APBB1IP: variants seen among roughly 807,000 people sequenced by gnomAD.
APBB1IP encodes the protein amyloid beta A4 precursor protein-binding family B member 1-interacting protein.
In APBB1IP, 27 loss-of-function variants were observed where a neutral mutation model predicts 64.9. The ratio of observed to expected loss-of-function variants is 0.42; its 90% CI spans 0.31 to 0.57. The LOEUF (loss-of-function observed/expected upper bound fraction) is 0.57. Ranked by LOEUF, APBB1IP falls within the 20% of genes least tolerant of loss-of-function variation. The pLI is 0.20. For synonymous variants in APBB1IP, 392 were observed against 331.0 expected (o/e 1.18, Z -2.00); for missense variants, 812 against 845.5 (o/e 0.96, Z 0.49).
At chr10:26,455,341 A>G (rs1835511608) in intron 2 of APBB1IP, among the ~76,000 whole-genome samples, 1 of 152,134 alleles carries the variant, frequency 6.6e-6, no homozygotes, top group African/African-American at 2.4e-5. Context: ...CAGCCTGGCC[A>G]ACATGGTGAA....
chr10:26,458,968 T>G (rs924781791), intron 2 of APBB1IP, among the ~76,000 whole-genome samples: 5 of 152,128 alleles, frequency 3.3e-5, no homozygotes, highest in African/African-American at 1.2e-4. Flanking sequence ...CTTTGAGTTT[T>G]AGGGTACATG....
At chr10:26,538,408 C>A (rs10829020) in intron 10 of APBB1IP, among the ~76,000 whole-genome samples, 2 of 151,260 alleles carry the variant, frequency 1.3e-5, no homozygotes, top group Non-Finnish European at 2.9e-5. Flanking sequence ...TTTGGGAGGC[C>A]GAGGCGGGCG....
intron 3 of APBB1IP, 72 bp downstream of exon 3, chr10:26,492,470 A>G: frequency 4.3e-6 from 6 of 1,386,300 alleles, no homozygotes; most frequent in Non-Finnish European, 6.1e-6. Context: ...TAATATGACA[A>G]GGGAGCTGTC....
rs560904042 is a variant in APBB1IP at position 26,479,374 on chromosome 10, T to C, written c.1-12953T>C. On this transcript the variant is annotated intron_variant, in intron 2 of 14. Transcript: ENST00000376236. ...TGTACCCCTGAACCTAAAATAATTTTTTAAATAAAATAAAGAAAAATATTT... is the reference window on the plus strand; with the variant it reads ...TGTACCCCTGAACCTAAAATAATTTCTTAAATAAAATAAAGAAAAATATTT... Among the ~76,000 whole-genome samples the C allele has an allele frequency of 1.8e-4, 28 of 152,214 alleles. 1 individual carries two copies. The highest frequency in any genetic ancestry group is 3.4e-3 in the Middle Eastern group (1 of 294).
At position 26,511,497 on chromosome 10, in the gene APBB1IP, G is replaced by A. The variant is rs527962145; in HGVS notation, c.532-250G>A. On this transcript the variant is annotated intron_variant, in intron 6 of 14. Coordinates refer to ENST00000376236, the MANE Select transcript of APBB1IP (RefSeq NM_019043.4). ...TGTTTTCTGTCTCTCCCACCAGACT[G>A]CCTGTCTCTGAAGGCTAGACAAGGA... is the stretch of plus-strand genomic sequence containing the variant. Among the ~76,000 whole-genome samples, 7 of 152,276 alleles carry A rather than the reference G, an allele frequency of 4.6e-5. No homozygotes were observed. In the South Asian group the frequency reaches 1.5e-3, roughly 32 times the overall value.
intron 11 of APBB1IP, among the ~76,000 whole-genome samples, chr10:26,553,214 G>T (rs139534828): frequency 0.034 from 5,123 of 151,992 alleles, 294 homozygotes; most frequent in African/African-American, 0.12. Context: ...TAGAGACAGG[G>T]TTTCACCGTG....
chr10:26,489,584 G>A (rs1051258266), intron 2 of APBB1IP, among the ~76,000 whole-genome samples: 1 of 152,202 alleles, frequency 6.6e-6, no homozygotes, highest in African/African-American at 2.4e-5. Flanking sequence ...ATTGCTCAGC[G>A]TCAATGCTAC....
At chr10:26,481,765 G>C (rs1835836274) in intron 2 of APBB1IP, among the ~76,000 whole-genome samples, 1 of 151,830 alleles carries the variant, frequency 6.6e-6, no homozygotes. Context: ...TGAATTTCAG[G>C]TGTAACCCAC....
At chr10:26,497,545 T>C (rs1329285176) in intron 4 of APBB1IP, among the ~76,000 whole-genome samples, 1 of 150,944 alleles carries the variant, frequency 6.6e-6, no homozygotes, top group Non-Finnish European at 1.5e-5. Context: ...AGCGAGACTC[T>C]GCCTCAAAAA....
intron 2 of APBB1IP, among the ~76,000 whole-genome samples, chr10:26,454,179 G>A (rs1486727638): frequency 4.6e-5 from 7 of 152,180 alleles, no homozygotes; most frequent in Non-Finnish European, 7.3e-5. Flanking sequence ...AGTGGCTCAC[G>A]CCTGTAATAC....
At chr10:26,531,606 G>T (rs1836555091) in intron 8 of APBB1IP, among the ~76,000 whole-genome samples, 1 of 150,576 alleles carries the variant, frequency 6.6e-6, no homozygotes, top group African/African-American at 2.4e-5. Flanking sequence ...GGCGGAGCTT[G>T]CAGTGAACCG....
At chr10:26,472,675 A>C (rs1049943224) in intron 2 of APBB1IP, among the ~76,000 whole-genome samples, 15 of 152,136 alleles carry the variant, frequency 9.9e-5, no homozygotes, top group Non-Finnish European at 1.5e-5. Flanking sequence ...TCAAGATCAC[A>C]TGTATAATCC....
intron 2 of APBB1IP, among the ~76,000 whole-genome samples, chr10:26,477,309 C>T (rs1447393829): frequency 6.6e-6 from 1 of 152,142 alleles, no homozygotes; most frequent in Admixed American, 6.5e-5. Context: ...CCATGTCCAC[C>T]AGATTTTCTC....
At chr10:26,488,410 A>AT (rs1225991491) in intron 2 of APBB1IP, among the ~76,000 whole-genome samples, 2 of 152,024 alleles carry the variant, frequency 1.3e-5, no homozygotes, top group East Asian at 3.9e-4. Flanking sequence ...TAATTTTTTA[A>AT]TTTTTTGTAC....
intron 8 of APBB1IP, among the ~76,000 whole-genome samples, chr10:26,532,311 C>T (rs1458539697): frequency 6.6e-6 from 1 of 152,136 alleles, no homozygotes; most frequent in Non-Finnish European, 1.5e-5. Flanking sequence ...GATACCTCAG[C>T]TGCACTTATT....
chr10:26,460,611 T>A (rs1057337601), intron 2 of APBB1IP, among the ~76,000 whole-genome samples: 1 of 152,174 alleles, frequency 6.6e-6, no homozygotes, highest in East Asian at 1.9e-4. Context: ...CATGGAATAC[T>A]ATGCAGCCAT....
intron 2 of APBB1IP, among the ~76,000 whole-genome samples, chr10:26,450,725 T>C (rs1409761659): frequency 6.6e-6 from 1 of 150,496 alleles, no homozygotes; most frequent in Non-Finnish European, 1.5e-5. Flanking sequence ...GTACTGAGTC[T>C]CACTTTGTCT....
chr10:26,564,262 G>C (rs1837010934), intron 14 of APBB1IP, among the ~76,000 whole-genome samples: 1 of 152,044 alleles, frequency 6.6e-6, no homozygotes. Flanking sequence ...CAGCTGCCTG[G>C]GGATGTTTCA....
chr10:26,560,051 G>T, intron 11 of APBB1IP, 54 bp from the exon 12 acceptor site: 1 of 1,453,988 alleles, frequency 6.9e-7, no homozygotes. Flanking sequence ...CAGGTGCTTT[G>T]ACCTCCTAAT....
Sources: gnomAD v4.1 joint callset for allele counts (sites outside exome capture counted in the v4.1 genomes callset) on GRCh38, gnomAD v4.1.1 for gene constraint, MANE v1.5 for transcripts, NCBI Gene and HGNC (gene_info 2026-07-23, HGNC 2026-07-21) for gene names.